Variants in UBE3D observed in about 807,000 individuals in gnomAD.
UBE3D encodes E3 ubiquitin-protein ligase E3D.
Under a neutral mutation model 49.6 loss-of-function variants are expected in UBE3D, and 48 were observed. That is an observed-to-expected ratio of 0.97 (90% confidence interval 0.77 to 1.23). The LOEUF is 1.23. UBE3D is among the 50% of genes most tolerant of loss of function. The pLI is 0.00. For missense variants in UBE3D, 452 were observed against 468.4 expected, an observed-to-expected ratio of 0.96 and a Z score of 0.32; for synonymous variants, 189 against 174.2, an observed-to-expected ratio of 1.08 and a Z score of -0.67.
intron 7 of UBE3D, 137 bp from the exon 8 acceptor site, chr6:83,019,273 T>G (rs1416903458): frequency 2.5e-6 from 2 of 785,070 alleles, no homozygotes; most frequent in Admixed American, 3.9e-5. Flanking sequence ...AATTTTAAAG[T>G]TGGGTAGGCC....
At position 82,942,827 on chromosome 6, in the gene UBE3D, C is replaced by T. The variant is rs141383839; in HGVS notation, c.1149+14485G>A. Among the ~76,000 whole-genome samples, 399 of 152,354 alleles carry T rather than the reference C, an allele frequency of 2.6e-3. 3 individuals carry two copies. The highest frequency in any genetic ancestry group is 9.0e-3 in the African/African-American group (373 of 41,592). On this transcript the variant is annotated intron_variant, in intron 9 of 9. Transcript: ENST00000369747. ...GAACCTCTGCTAGGGCAGTGAGGAG[C>T]AGAAATGTGGGGTCTGAGCCCCCAC... is the stretch of plus-strand genomic sequence containing the variant.
At chr6:82,906,186 T>C (rs1033827849) in intron 9 of UBE3D, among the ~76,000 whole-genome samples, 9 of 152,290 alleles carry the variant, frequency 5.9e-5, no homozygotes, top group African/African-American at 2.2e-4. Flanking sequence ...CCAAATGTGG[T>C]CCACATATTA....
rs751609273 is a variant in UBE3D at position 83,057,958 on chromosome 6, T to C, written c.142A>G (p.Thr48Ala). 9 of 1,614,054 alleles carry C rather than the reference T, an allele frequency of 5.6e-6. No individual in the cohort carries two copies. In the Admixed American group the frequency reaches 1.3e-4, roughly 24 times the overall value. The change falls in exon 2 of 10, where the codon ACC becomes GCC. Residue 48 changes from threonine to alanine, a missense_variant. Transcript: ENST00000369747. ...SIMPSSLQMK[T>A]PEGCTEIQLP... is the part of the protein sequence containing the mutation. Reference sequence around the variant, plus strand: ...TGGATTTCTGTGCAGCCTTCAGGGGTTTTCATCTGGAGTGAAGATGGCATT... The same window carrying C: ...TGGATTTCTGTGCAGCCTTCAGGGGCTTTCATCTGGAGTGAAGATGGCATT...
At chr6:83,063,724 T>G (rs1264444187) in intron 1 of UBE3D, among the ~76,000 whole-genome samples, 1 of 152,180 alleles carries the variant, frequency 6.6e-6, no homozygotes, top group South Asian at 2.1e-4. Flanking sequence ...CTAAAAGGAC[T>G]GATAATACTA....
intron 9 of UBE3D, among the ~76,000 whole-genome samples, chr6:82,911,774 G>T (rs964244540): frequency 6.6e-6 from 1 of 152,100 alleles, no homozygotes; most frequent in African/African-American, 2.4e-5. Flanking sequence ...TTAGGACGGG[G>T]GATCACAACA....
At chr6:82,910,017 G>A (rs569616843) in intron 9 of UBE3D, among the ~76,000 whole-genome samples, 21 of 152,198 alleles carry the variant, frequency 1.4e-4, no homozygotes, top group African/African-American at 4.8e-4. Context: ...GTTCATCATC[G>A]ATTAAACACT....
At chr6:82,959,655 C>T (rs866679169) in intron 8 of UBE3D, among the ~76,000 whole-genome samples, 1 of 128,814 alleles carries the variant, frequency 7.8e-6, no homozygotes, top group African/African-American at 3.0e-5. Flanking sequence ...ACCAAGTGAT[C>T]TTAAGAATTG....
chr6:83,019,880 G>A (rs1780963996), intron 7 of UBE3D, among the ~76,000 whole-genome samples: 1 of 152,178 alleles, frequency 6.6e-6, no homozygotes, highest in East Asian at 1.9e-4. Context: ...GGCTGACCAA[G>A]AAGGGGTGAG....
chr6:82,926,208 T>C (rs1773738350), intron 9 of UBE3D, among the ~76,000 whole-genome samples: 1 of 152,208 alleles, frequency 6.6e-6, no homozygotes, highest in Non-Finnish European at 1.5e-5. Context: ...ATATAGTTGG[T>C]ACCATATAGT....
At chr6:82,921,082 AG>A (rs2127735251) in intron 9 of UBE3D, among the ~76,000 whole-genome samples, 1 of 151,994 alleles carries the variant, frequency 6.6e-6, no homozygotes, top group East Asian at 1.9e-4. Flanking sequence ...CAGCCTCCCA[AG>A]TAGCTGGGGC....
At chr6:83,061,701 C>T (rs1450958711) in intron 1 of UBE3D, among the ~76,000 whole-genome samples, 1 of 152,210 alleles carries the variant, frequency 6.6e-6, no homozygotes, top group Non-Finnish European at 1.5e-5. Context: ...TCACCTCACC[C>T]AGTTGGTAGG....
At chr6:82,997,635 T>C (rs1582590451) in intron 8 of UBE3D, among the ~76,000 whole-genome samples, 1 of 151,954 alleles carries the variant, frequency 6.6e-6, no homozygotes, top group Admixed American at 6.6e-5. Context: ...AGGAGAATGG[T>C]GTGAACCCAG....
At chr6:83,028,948 T>C (rs1463417972) in intron 5 of UBE3D, among the ~76,000 whole-genome samples, 2 of 152,218 alleles carry the variant, frequency 1.3e-5, no homozygotes, top group Admixed American at 1.3e-4. Flanking sequence ...CAGTGTCTTT[T>C]GGTTGTCATT....
At position 82,896,942 on chromosome 6, in the gene UBE3D, T is replaced by C. The variant is rs577661334; in HGVS notation, c.1150-3900A>G. Reference sequence around the variant, plus strand: ...TTTTAGTAGAGATGGGGTTTCACCATGTTGGTCAGGCTGGTCTCGAACTCC... The same window carrying C: ...TTTTAGTAGAGATGGGGTTTCACCACGTTGGTCAGGCTGGTCTCGAACTCC... On this transcript the variant is annotated intron_variant, in intron 9 of 9. Coordinates refer to ENST00000369747, the MANE Select transcript of UBE3D (RefSeq NM_198920.3). 2.6e-5 allele frequency among the ~76,000 whole-genome samples: 4 copies of C among 152,062 alleles called. 1 individual carries two copies. The South Asian group carries it at 8.3e-4, about 32-fold the overall frequency.
At chr6:82,961,292 T>C (rs1178673963) in intron 8 of UBE3D, among the ~76,000 whole-genome samples, 5 of 152,228 alleles carry the variant, frequency 3.3e-5, no homozygotes, top group Non-Finnish European at 7.3e-5. Context: ...TTTACAAAAT[T>C]ACTTCAGTCT....
intron 9 of UBE3D, among the ~76,000 whole-genome samples, chr6:82,895,311 A>C (rs970382893): frequency 2.0e-5 from 3 of 152,194 alleles, no homozygotes; most frequent in African/African-American, 7.2e-5. Context: ...AGTCTGTCTC[A>C]AAAAGAAGAA....
chr6:82,965,353 G>A (rs1187549883), intron 8 of UBE3D, among the ~76,000 whole-genome samples: 2 of 152,078 alleles, frequency 1.3e-5, no homozygotes, highest in Non-Finnish European at 2.9e-5. Flanking sequence ...GGAGGCCGAG[G>A]CCAGTGGATC....
At chr6:82,970,410 C>A (rs73478986) in intron 8 of UBE3D, among the ~76,000 whole-genome samples, 1 of 151,786 alleles carries the variant, frequency 6.6e-6, no homozygotes, top group African/African-American at 2.4e-5. Context: ...GGGCAGAAAA[C>A]CTTATTGACA....
intron 1 of UBE3D, among the ~76,000 whole-genome samples, chr6:83,064,723 G>A (rs572355546): frequency 2.6e-5 from 4 of 152,262 alleles, no homozygotes; most frequent in Admixed American, 6.5e-5. Flanking sequence ...TACATTCAGA[G>A]TACTATTATT....
Sources: gnomAD v4.1 joint callset for allele counts (sites outside exome capture counted in the v4.1 genomes callset) on GRCh38, gnomAD v4.1.1 for gene constraint, MANE v1.5 for transcripts, NCBI Gene and HGNC (gene_info 2026-07-23, HGNC 2026-07-21) for gene names.